Variants in SNX4 observed in about 807,000 individuals in gnomAD.
SNX4 encodes sorting nexin-4.
In SNX4, 49 loss-of-function variants were observed where a neutral mutation model predicts 70.8. The ratio of observed to expected loss-of-function variants is 0.69; its 90% CI spans 0.55 to 0.88. The LOEUF (loss-of-function observed/expected upper bound fraction) is 0.88. SNX4 is among the 40% of genes least tolerant of loss of function. SNX4 has a pLI of 0.00. For missense variants in SNX4, 528 were observed against 544.8 expected (o/e 0.97, Z 0.31); for synonymous variants, 206 against 183.8 (o/e 1.12, Z -0.98).
chr3:125,472,775 A>G (rs1934206230), intron 8 of SNX4, among the ~76,000 whole-genome samples: 1 of 151,970 alleles, frequency 6.6e-6, no homozygotes, highest in African/African-American at 2.4e-5. Flanking sequence ...CATTCCCCTC[A>G]ATCCCCACAA....
intron 1 of SNX4, among the ~76,000 whole-genome samples, chr3:125,513,455 C>A (rs1285583190): frequency 6.6e-6 from 1 of 152,290 alleles, no homozygotes; most frequent in East Asian, 1.9e-4. Context: ...TGGGTTAATG[C>A]ATATCAAGAG....
intron 9 of SNX4, among the ~76,000 whole-genome samples, chr3:125,466,244 T>G (rs771571418): frequency 6.6e-6 from 1 of 152,002 alleles, no homozygotes; most frequent in Non-Finnish European, 1.5e-5. Context: ...AGTTGTTGGT[T>G]AGCCATATGC....
At chr3:125,506,144 G>A (rs953494606) in intron 1 of SNX4, among the ~76,000 whole-genome samples, 3 of 152,070 alleles carry the variant, frequency 2.0e-5, no homozygotes, top group African/African-American at 7.2e-5. Context: ...CAGGGTAGGA[G>A]AAGAATTCGA....
chr3:125,450,242 A>AAACT, intron 13 of SNX4, among the ~76,000 whole-genome samples: 1 of 152,328 alleles, frequency 6.6e-6, no homozygotes, highest in Non-Finnish European at 1.5e-5. Context: ...GTCACGATCT[A>AAACT]AACTTGTTTT....
At chr3:125,514,419 T>A (rs1935232562) in intron 1 of SNX4, among the ~76,000 whole-genome samples, 1 of 144,330 alleles carries the variant, frequency 6.9e-6, no homozygotes, top group Admixed American at 7.3e-5. Context: ...TGAGACCGAG[T>A]CTCGCTCTAT....
intron 1 of SNX4, among the ~76,000 whole-genome samples, chr3:125,505,927 C>T (rs1251920390): frequency 6.6e-6 from 1 of 152,172 alleles, no homozygotes; most frequent in South Asian, 2.1e-4. Flanking sequence ...AAGACTTTGT[C>T]TCTTCAAAAG....
intron 7 of SNX4, among the ~76,000 whole-genome samples, chr3:125,479,525 A>G (rs924118237): frequency 6.7e-6 from 1 of 150,328 alleles, no homozygotes; most frequent in Non-Finnish European, 1.5e-5. Context: ...ACTGCACTCC[A>G]GCCTGGGTGA....
chr3:125,457,435 A>C, intron 10 of SNX4, 70 bp from the exon 11 acceptor site: 1 of 1,159,362 alleles, frequency 8.6e-7, no homozygotes, highest in South Asian at 1.3e-5. Flanking sequence ...TCAAGGGTAG[A>C]GGAGAACCAT....
rs142469047 is a variant in SNX4, at chr3:125,511,762, T to C, written c.142-7018A>G. ...TTTAAAATATTGTACTGTATTATAA[T>C]TGGAGTGTTTTATGAAGGAGAGATA... On this transcript the variant is annotated intron_variant, in intron 1 of 13. Transcript: ENST00000251775. Among the ~76,000 whole-genome samples, 15 of 152,252 alleles carry C rather than the reference T, an allele frequency of 9.9e-5. No individual in the cohort carries two copies. In the East Asian group the frequency reaches 2.9e-3, roughly 29 times the overall value.
In SNX4 at chr3:125,498,144, C is replaced by T. The variant is rs747727272; in HGVS notation, c.314G>A (p.Arg105Gln). 3.1e-6 allele frequency: 5 copies of T among 1,614,074 alleles called. No individual in the cohort carries two copies. The highest frequency in any genetic ancestry group is 3.3e-5 in the Admixed American group (2 of 60,020). Residue 105 changes from arginine (R) to glutamine (Q), a missense_variant, in exon 3 of 14, where the codon CGG (arginine) becomes CAG (glutamine). By Grantham distance (43) the Arg-to-Gln change is conservative. Around this residue, in one of 3 missense-constraint regions of SNX4, gnomAD observed 341 missense variants for 312.2 expected, o/e 1.09. Transcript: ENST00000251775. ...GQSVLTDSLWRRYSEFELLRS... is the reference protein window; with the variant it reads ...GQSVLTDSLWQRYSEFELLRS... Reference sequence around the variant, plus strand: ...CAACAACTCAAATTCACTATATCGCCGCCATAGTGAGTCTGTTAGGACACT... The same window carrying T: ...CAACAACTCAAATTCACTATATCGCTGCCATAGTGAGTCTGTTAGGACACT...
At chr3:125,519,783 C>T (rs1417382714) in intron 1 of SNX4, among the ~76,000 whole-genome samples, 1 of 152,146 alleles carries the variant, frequency 6.6e-6, no homozygotes, top group Non-Finnish European at 1.5e-5. Context: ...CTCCCCTTCG[C>T]AGTCTCGACA....
intron 1 of SNX4, among the ~76,000 whole-genome samples, chr3:125,515,899 G>A (rs1300509670): frequency 6.6e-6 from 1 of 152,042 alleles, no homozygotes. Flanking sequence ...AAAAATTAGT[G>A]AGTATGATTT....
intron 12 of SNX4, among the ~76,000 whole-genome samples, chr3:125,451,984 C>T (rs1933585801): frequency 6.6e-6 from 1 of 152,190 alleles, no homozygotes; most frequent in African/African-American, 2.4e-5. Flanking sequence ...ATAAAATACA[C>T]ATAGATGACT....
chr3:125,451,582 G>C (rs553013442), intron 12 of SNX4, among the ~76,000 whole-genome samples, 163 bp from the exon 13 acceptor site: 11 of 151,988 alleles, frequency 7.2e-5, no homozygotes, highest in Admixed American at 2.0e-4. Context: ...TTATAGTTAG[G>C]GAAAAAGCAA....
intron 2 of SNX4, among the ~76,000 whole-genome samples, chr3:125,503,214 G>T (rs1331765301): frequency 5.3e-5 from 8 of 152,226 alleles, no homozygotes; most frequent in Non-Finnish European, 1.2e-4. Context: ...GCTAGGTTTG[G>T]TAGTCTATAA....
intron 6 of SNX4, among the ~76,000 whole-genome samples, chr3:125,484,582 T>G (rs949001106): frequency 6.6e-6 from 1 of 152,216 alleles, no homozygotes; most frequent in Non-Finnish European, 1.5e-5. Flanking sequence ...TAACATACTT[T>G]TAGTAAGTAA....
chr3:125,473,890 T>C, intron 8 of SNX4, among the ~76,000 whole-genome samples: 1 of 152,242 alleles, frequency 6.6e-6, no homozygotes, highest in East Asian at 1.9e-4. Flanking sequence ...ACTAACTCTA[T>C]GTTTTAAAAA....
intron 2 of SNX4, among the ~76,000 whole-genome samples, chr3:125,499,713 C>T (rs1048635163): frequency 1.3e-5 from 2 of 150,830 alleles, no homozygotes; most frequent in African/African-American, 2.4e-5. Context: ...ATAAATAAAG[C>T]CTATAAGCAG....
At chr3:125,501,915 G>T (rs1346883359) in intron 2 of SNX4, among the ~76,000 whole-genome samples, 1 of 152,098 alleles carries the variant, frequency 6.6e-6, no homozygotes, top group Non-Finnish European at 1.5e-5. Context: ...TAACTCCCAG[G>T]TTCAAATTAG....
Sources: allele counts gnomAD v4.1 joint callset (sites outside exome capture counted in the v4.1 genomes callset), GRCh38; gene constraint gnomAD v4.1.1; regional missense constraint gnomAD v4.1.1; transcripts MANE v1.5; gene names NCBI Gene and HGNC (gene_info 2026-07-23, HGNC 2026-07-21).